Variants in OR2L13 observed in about 807,000 individuals in gnomAD.
OR2L13 encodes olfactory receptor family 2 subfamily L member 13.
In OR2L13, 14 loss-of-function variants were observed where a neutral mutation model predicts 15.3. The observed-to-expected ratio is 0.91, with a 90% CI of 0.60 to 1.43. OR2L13 has a LOEUF of 1.43. OR2L13 is among the 40% of genes most tolerant of loss of function. The probability of loss-of-function intolerance (pLI) is 0.00; values close to 1 mark genes in which losing one functional copy is unlikely to be tolerated. For missense variants in OR2L13, 367 were observed against 387.9 expected (o/e 0.95, Z 0.45); for synonymous variants, 152 against 142.9 (o/e 1.06, Z -0.45).
At chr1:248,000,411 T>C in the OR2L13 span, among the ~76,000 whole-genome samples, 1 of 152,256 alleles carries the variant, frequency 6.6e-6, no homozygotes. Context: ...AAGTAGACTA[T>C]AGGTGAAAAA....
the OR2L13 span, among the ~76,000 whole-genome samples, chr1:248,015,501 A>G: frequency 1.3e-5 from 2 of 152,180 alleles, no homozygotes; most frequent in African/African-American, 4.8e-5. Context: ...TACGAAGTCA[A>G]TGACTTCACA....
At chr1:247,961,029 C>G in the OR2L13 span, among the ~76,000 whole-genome samples, 1 of 152,144 alleles carries the variant, frequency 6.6e-6, no homozygotes, top group African/African-American at 2.4e-5. Context: ...TTCTGCGTCG[C>G]TCACGCTGGG....
the OR2L13 span, among the ~76,000 whole-genome samples, chr1:247,970,828 G>T: frequency 1.3e-5 from 2 of 152,118 alleles, no homozygotes; most frequent in Non-Finnish European, 2.9e-5. Flanking sequence ...TATCAACGTG[G>T]TACATGGAGC....
chr1:248,023,713 T>G, the OR2L13 span: 1 of 152,206 alleles, frequency 6.6e-6, no homozygotes, highest in Non-Finnish European at 1.5e-5. Flanking sequence ...TCAACATTAT[T>G]TTTATAAAAG....
chr1:248,067,743 G>T, the OR2L13 span, among the ~76,000 whole-genome samples: 1 of 152,156 alleles, frequency 6.6e-6, no homozygotes, highest in African/African-American at 2.4e-5. Flanking sequence ...TTTCCTAGTC[G>T]AAGAAAGGGG....
chr1:247,959,948 T>C, the OR2L13 span, among the ~76,000 whole-genome samples: 3 of 144,024 alleles, frequency 2.1e-5, no homozygotes, highest in Admixed American at 2.1e-4. Flanking sequence ...AACTCGTCAG[T>C]CATTCTCCGT....
At chr1:247,953,569 T>C in the OR2L13 span, among the ~76,000 whole-genome samples, 2 of 152,210 alleles carry the variant, frequency 1.3e-5, no homozygotes, top group East Asian at 1.9e-4. Context: ...ATAGGGTAAA[T>C]TGAAGGAATG....
At chr1:248,036,190 A>G in the OR2L13 span, among the ~76,000 whole-genome samples, 1 of 152,018 alleles carries the variant, frequency 6.6e-6, no homozygotes, top group African/African-American at 2.4e-5. Context: ...CTGTAAGTAT[A>G]TGTTGGTCCT....
the OR2L13 span, among the ~76,000 whole-genome samples, chr1:247,989,514 A>G: frequency 6.6e-6 from 1 of 152,204 alleles, no homozygotes; most frequent in Non-Finnish European, 1.5e-5. Flanking sequence ...TGAAGTTTTA[A>G]GAGAAATGTT....
the OR2L13 span, among the ~76,000 whole-genome samples, chr1:247,968,965 T>C: frequency 6.6e-6 from 1 of 152,194 alleles, no homozygotes; most frequent in Non-Finnish European, 1.5e-5. Context: ...CCATCAACAG[T>C]GTAAAAGTGT....
chr1:247,948,702 A>C, the OR2L13 span, among the ~76,000 whole-genome samples: 9 of 152,218 alleles, frequency 5.9e-5, no homozygotes, highest in Non-Finnish European at 1.0e-4. Context: ...AGAAGTATGT[A>C]TAGACAAAAA....
chr1:248,070,180 C>A, the OR2L13 span, among the ~76,000 whole-genome samples: 22 of 152,286 alleles, frequency 1.4e-4, no homozygotes, highest in African/African-American at 5.3e-4. Flanking sequence ...ACATTTTTTT[C>A]AGCACCACAA....
chr1:247,979,285 A>G, the OR2L13 span, among the ~76,000 whole-genome samples: 1 of 152,008 alleles, frequency 6.6e-6, no homozygotes, highest in Non-Finnish European at 1.5e-5. Context: ...TACATTAGGT[A>G]TTTCTCCTAA....
the OR2L13 span, among the ~76,000 whole-genome samples, chr1:248,066,139 T>C: frequency 1.6e-4 from 24 of 152,364 alleles, no homozygotes; most frequent in African/African-American, 5.8e-4. Context: ...TTTTCTGTAA[T>C]TTTTTCTGCA....
chr1:248,000,261 A>T, the OR2L13 span, among the ~76,000 whole-genome samples: 1 of 151,942 alleles, frequency 6.6e-6, no homozygotes. Flanking sequence ...TAGGGAGGAA[A>T]ATCTGTGCCC....
At chr1:248,022,914 G>T in the OR2L13 span, 1 of 1,569,948 alleles carries the variant, frequency 6.4e-7, no homozygotes, top group Non-Finnish European at 8.6e-7. Flanking sequence ...GAGTCAAAGC[G>T]CTAGGTTCAT....
the OR2L13 span, among the ~76,000 whole-genome samples, chr1:248,008,681 G>A: frequency 6.6e-6 from 1 of 152,210 alleles, no homozygotes; most frequent in South Asian, 2.1e-4. Context: ...TCTGGACCAA[G>A]CAAATCTAAT....
chr1:248,066,557 CAT>C, the OR2L13 span, among the ~76,000 whole-genome samples: 1 of 152,186 alleles, frequency 6.6e-6, no homozygotes, highest in Non-Finnish European at 1.5e-5. Flanking sequence ...GTGGACCACA[CAT>C]GTTGGACTGA....
At chr1:248,096,310 G>A (rs1166624181), upstream of OR2L13, among the ~76,000 whole-genome samples, 1 of 151,800 alleles carries the variant, frequency 6.6e-6, no homozygotes, top group Non-Finnish European at 1.5e-5. Flanking sequence ...GTGAACCCGG[G>A]AGGCGGAGCT....
Sources: allele counts gnomAD v4.1 joint callset (sites outside exome capture counted in the v4.1 genomes callset), GRCh38; gene constraint gnomAD v4.1.1; transcripts MANE v1.5; gene names NCBI Gene and HGNC (gene_info 2026-07-23, HGNC 2026-07-21).